Variants in NEK10 observed in about 807,000 individuals in gnomAD.
The protein encoded by NEK10 is serine/threonine-protein kinase Nek10.
Under a neutral mutation model 159.8 loss-of-function variants are expected in NEK10, and 122 were observed. That is an observed-to-expected ratio of 0.76 (90% CI 0.66 to 0.89). The LOEUF (loss-of-function observed/expected upper bound fraction) is 0.89, where lower values mean the gene tolerates loss of function less well. Among genes scored for constraint, NEK10 ranks in the 40% least tolerant of loss-of-function variants. The pLI is 0.00. For missense variants in NEK10, 1,342 were observed against 1,323.1 expected (o/e 1.01, Z -0.22); for synonymous variants, 466 against 457.1 (o/e 1.02, Z -0.25).
chr3:27,286,649 C>A lies in NEK10; in HGVS notation c.1789+1049G>T, dbSNP rs1246385624. ...AAGTGATTCGCCAGCCTCGGCCTCC[C>A]AAAATGCTAGGATCATAGGCGTGAG... On this transcript the variant is annotated intron_variant, in intron 20 of 35. Coordinates refer to ENST00000691995, the MANE Select transcript of NEK10 (RefSeq NM_001394966.1). 4.6e-5 allele frequency among the ~76,000 whole-genome samples: 7 copies of A among 150,986 alleles called. No homozygotes were observed. In the East Asian group the frequency reaches 1.4e-3, roughly 29 times the overall value.
At chr3:27,160,247 T>C (rs1413233044) in intron 30 of NEK10, among the ~76,000 whole-genome samples, 2 of 152,208 alleles carry the variant, frequency 1.3e-5, no homozygotes, top group Non-Finnish European at 2.9e-5. Flanking sequence ...ACTACTTTAT[T>C]GTTGGACTAC....
chr3:27,315,465 AC>A (rs1355008881), intron 6 of NEK10, among the ~76,000 whole-genome samples: 2 of 152,240 alleles, frequency 1.3e-5, no homozygotes, highest in African/African-American at 2.4e-5. Flanking sequence ...TAGTTCTATG[AC>A]TACCTACTAA....
rs745928886 is a variant in NEK10 at position 27,322,003 on chromosome 3, C to T, written c.447+174G>A. 3.9e-5 allele frequency among the ~76,000 whole-genome samples: 6 copies of T among 152,262 alleles called. No individual in the cohort carries two copies. The South Asian group carries it at 6.2e-4, about 16-fold the overall frequency. On this transcript the variant is annotated intron_variant, in intron 6 of 35. Coordinates refer to ENST00000691995, the MANE Select transcript of NEK10 (RefSeq NM_001394966.1). ...CACAAATTTTTGGTCCCCATTAAAG[C>T]GCTCCTCTCAAATCTTTTTAAATAG...
chr3:27,258,877 C>T (rs2040137424), intron 22 of NEK10, among the ~76,000 whole-genome samples: 1 of 152,140 alleles, frequency 6.6e-6, no homozygotes, highest in South Asian at 2.1e-4. Context: ...CTCTCCAGCA[C>T]CTGTTGTTTC....
intron 23 of NEK10, among the ~76,000 whole-genome samples, chr3:27,231,952 T>C (rs1409037182): frequency 2.6e-5 from 4 of 151,780 alleles, no homozygotes; most frequent in African/African-American, 4.8e-5. Flanking sequence ...ATCCCAAAGA[T>C]AGAGAGAGAG....
At chr3:27,224,331 G>T (rs1952413695) in intron 23 of NEK10, among the ~76,000 whole-genome samples, 1 of 152,224 alleles carries the variant, frequency 6.6e-6, no homozygotes, top group African/African-American at 2.4e-5. Flanking sequence ...TCTGGTGAGA[G>T]CTGTAGCAGC....
intron 30 of NEK10, among the ~76,000 whole-genome samples, chr3:27,159,905 A>G (rs990408987): frequency 2.0e-5 from 3 of 151,064 alleles, no homozygotes; most frequent in Non-Finnish European, 2.9e-5. Context: ...GCCATAATAC[A>G]TGGGAAATAA....
At chr3:27,135,371 T>G (rs1403734310) in intron 31 of NEK10, among the ~76,000 whole-genome samples, 3 of 152,230 alleles carry the variant, frequency 2.0e-5, no homozygotes, top group African/African-American at 7.2e-5. Context: ...AGATAATTAC[T>G]TCCTCAAAGT....
At chr3:27,186,600 C>T (rs935667214) in intron 26 of NEK10, among the ~76,000 whole-genome samples, 6 of 152,184 alleles carry the variant, frequency 3.9e-5, no homozygotes, top group African/African-American at 9.6e-5. Flanking sequence ...CAGAAAAGAC[C>T]GGGAGCTTTG....
intron 5 of NEK10, 31 bp from the exon 6 acceptor site, chr3:27,322,292 C>A (rs987965685): frequency 6.9e-6 from 9 of 1,312,322 alleles, no homozygotes; most frequent in Non-Finnish European, 9.7e-6. Flanking sequence ...AACATGTTCA[C>A]GTTTAAAATC....
chr3:27,125,461 C>T (rs1941833558), intron 32 of NEK10, among the ~76,000 whole-genome samples: 1 of 152,112 alleles, frequency 6.6e-6, no homozygotes, highest in Admixed American at 6.6e-5. Context: ...TCTGCACTCG[C>T]CAGTCTTCTG....
intron 32 of NEK10, among the ~76,000 whole-genome samples, chr3:27,130,552 C>A (rs999942008): frequency 6.6e-6 from 1 of 152,066 alleles, no homozygotes; most frequent in Non-Finnish European, 1.5e-5. Context: ...GGAGTTGAAG[C>A]CACCTTTATG....
intron 31 of NEK10, among the ~76,000 whole-genome samples, chr3:27,135,966 G>C (rs1943148919): frequency 6.6e-6 from 1 of 152,170 alleles, no homozygotes; most frequent in Non-Finnish European, 1.5e-5. Context: ...ATGACAGTCA[G>C]TAGTATAATT....
intron 5 of NEK10, 94 bp from the exon 6 acceptor site, chr3:27,322,355 A>T (rs976326489): frequency 2.7e-6 from 2 of 727,640 alleles, no homozygotes; most frequent in Non-Finnish European, 2.4e-6. Context: ...TAAAGAACGC[A>T]CTAAGCACTT....
intron 22 of NEK10, among the ~76,000 whole-genome samples, chr3:27,279,966 G>A (rs1291189649): frequency 6.6e-6 from 1 of 151,936 alleles, no homozygotes; most frequent in East Asian, 1.9e-4. Context: ...TCAACAGATC[G>A]AGACCATCCT....
At chr3:27,209,187 G>A (rs1005294975) in intron 23 of NEK10, among the ~76,000 whole-genome samples, 2 of 152,098 alleles carry the variant, frequency 1.3e-5, no homozygotes, top group African/African-American at 2.4e-5. Flanking sequence ...TACAGTAAAC[G>A]GGACATAAAC....
chr3:27,273,917 C>T (rs370185619), intron 22 of NEK10, among the ~76,000 whole-genome samples: 11 of 152,246 alleles, frequency 7.2e-5, no homozygotes, highest in African/African-American at 2.2e-4. Flanking sequence ...TTTCCCTCAA[C>T]GAACCCCTGT....
chr3:27,183,408 C>G lies in NEK10; in HGVS notation c.2506-8575G>C, dbSNP rs13062152. Among the ~76,000 whole-genome samples the G allele has an allele frequency of 6.6e-4, 97 of 147,632 alleles. 1 individual carries two copies. The highest frequency in any genetic ancestry group is 2.3e-3 in the African/African-American group (93 of 40,808). On this transcript the variant is annotated intron_variant, in intron 26 of 35. Transcript: ENST00000691995. ...ATACCCAAATGACCAAAAAAAAAAA[C>G]CAAAAAGTCAATCTCCTCATTATTC...
chr3:27,302,072 T>G (rs894526449), intron 12 of NEK10, among the ~76,000 whole-genome samples: 1 of 152,202 alleles, frequency 6.6e-6, no homozygotes, highest in South Asian at 2.1e-4. Context: ...CTGCTCTACA[T>G]GGCCACCTTT....
Sources: allele counts gnomAD v4.1 joint callset (sites outside exome capture counted in the v4.1 genomes callset), GRCh38; gene constraint gnomAD v4.1.1; transcripts MANE v1.5; gene names NCBI Gene and HGNC (gene_info 2026-07-23, HGNC 2026-07-21).